Variants in SRP54 observed in about 807,000 individuals in gnomAD.
The protein encoded by SRP54 is signal recognition particle 54, also known as signal recognition particle subunit SRP54.
In SRP54, 10 loss-of-function variants were observed where a neutral mutation model predicts 64.8. That is an observed-to-expected ratio of 0.15 (90% CI 0.10 to 0.26). SRP54 has a LOEUF of 0.26. Ranked by LOEUF, SRP54 falls within the 10% of genes least tolerant of loss-of-function variation. The pLI, the probability that SRP54 is intolerant of heterozygous loss-of-function variation, is 1.00. For missense variants in SRP54, 325 were observed against 613.7 expected, an observed-to-expected ratio of 0.53 and a Z score of 4.97; for synonymous variants, 193 against 185.6, an observed-to-expected ratio of 1.04 and a Z score of -0.32.
At chr14:35,005,794 A>G (rs919828337) in intron 4 of SRP54, among the ~76,000 whole-genome samples, 2 of 152,192 alleles carry the variant, frequency 1.3e-5, no homozygotes, top group African/African-American at 4.8e-5. Flanking sequence ...TTCAAGCTCC[A>G]AACAACTGAC....
intron 2 of SRP54, among the ~76,000 whole-genome samples, chr14:34,997,799 A>G (rs906773339): frequency 6.6e-6 from 1 of 152,214 alleles, no homozygotes; most frequent in African/African-American, 2.4e-5. Flanking sequence ...CTAGTTCCTC[A>G]TACAGGGCTT....
chr14:35,015,824 T>G (rs865872472), intron 11 of SRP54, among the ~76,000 whole-genome samples: 22 of 152,240 alleles, frequency 1.4e-4, no homozygotes, highest in African/African-American at 5.1e-4. Context: ...ATGCTGGTGT[T>G]TCTCAGGGAT....
intron 10 of SRP54, 74 bp from the exon 11 acceptor site, chr14:35,014,670 A>T: frequency 3.7e-6 from 4 of 1,091,628 alleles, no homozygotes; most frequent in Non-Finnish European, 5.6e-6. Context: ...GTTATTATGT[A>T]TGTGAATGTG....
At chr14:35,001,764 GAA>G (rs1324239577) in intron 4 of SRP54, among the ~76,000 whole-genome samples, 1 of 152,084 alleles carries the variant, frequency 6.6e-6, no homozygotes, top group East Asian at 1.9e-4. Flanking sequence ...TTGAATTAGT[GAA>G]AGTTTTATTT....
chr14:34,983,614 G>C (rs1291333144), intron 1 of SRP54, among the ~76,000 whole-genome samples: 4 of 152,114 alleles, frequency 2.6e-5, no homozygotes, highest in Admixed American at 2.6e-4. Context: ...AACGAATATG[G>C]AATATCAGTT....
In SRP54 at chr14:35,028,203, C is replaced by A; in HGVS notation, c.1423+20C>A. On this transcript the variant is annotated intron_variant, in intron 15 of 15. Transcript: ENST00000216774. ...ACATGGGTAAATACCAAGTTGTTGG[C>A]AGTTGCTAATGCAGTTTAATTTATA... 6.7e-7 allele frequency: 1 copy of A among 1,502,818 alleles called. No homozygotes were observed. The highest frequency in any genetic ancestry group is 2.3e-5 in the East Asian group (1 of 43,910). The allele number at this position is 1,502,818 out of a possible 1,614,324, so 93.1% of individuals were successfully genotyped here.
At chr14:35,001,232 A>G (rs1594989186) in intron 4 of SRP54, among the ~76,000 whole-genome samples, 1 of 140,364 alleles carries the variant, frequency 7.1e-6, no homozygotes, top group African/African-American at 2.6e-5. Context: ...CTGGAGTGCA[A>G]CCTCCGCCTC....
chr14:35,003,526 C>G (rs534410469), intron 4 of SRP54, among the ~76,000 whole-genome samples: 1 of 151,832 alleles, frequency 6.6e-6, no homozygotes, highest in South Asian at 2.1e-4. Flanking sequence ...AGGCATGCAC[C>G]ACCATGTTTT....
At chr14:35,003,665 G>A (rs933486220) in intron 4 of SRP54, among the ~76,000 whole-genome samples, 1 of 150,428 alleles carries the variant, frequency 6.6e-6, no homozygotes, top group Admixed American at 6.6e-5. Context: ...TCCTCCCTGG[G>A]CTCAGGTGAT....
chr14:35,013,239 G>A, intron 8 of SRP54, 107 bp from the exon 9 acceptor site: 1 of 1,058,116 alleles, frequency 9.5e-7, no homozygotes, highest in Non-Finnish European at 1.4e-6. Context: ...ACAGGCATGA[G>A]CCACTGCACC....
intron 11 of SRP54, among the ~76,000 whole-genome samples, chr14:35,015,117 C>A (rs2044417494): frequency 6.6e-6 from 1 of 152,086 alleles, no homozygotes; most frequent in African/African-American, 2.4e-5. Flanking sequence ...CACTCTGTTA[C>A]CCAGGCTGGA....
intron 1 of SRP54, among the ~76,000 whole-genome samples, chr14:34,991,718 C>T (rs1320938379): frequency 3.2e-5 from 4 of 125,468 alleles, no homozygotes; most frequent in African/African-American, 9.5e-5. Flanking sequence ...ATCAGTCATG[C>T]GTGTGTGTTG....
At chr14:35,007,035 T>A (rs1172145490) in intron 4 of SRP54, among the ~76,000 whole-genome samples, 3 of 151,728 alleles carry the variant, frequency 2.0e-5, no homozygotes, top group Non-Finnish European at 2.9e-5. Flanking sequence ...CAAAAAAAAA[T>A]TTTTTTAGTT....
At chr14:34,990,457 A>G (rs1335644871) in intron 1 of SRP54, among the ~76,000 whole-genome samples, 3 of 152,156 alleles carry the variant, frequency 2.0e-5, no homozygotes, top group Non-Finnish European at 4.4e-5. Flanking sequence ...TCCTGCTTAT[A>G]TCATAAAATT....
chr14:35,022,918 A>G lies in SRP54; in HGVS notation c.1165A>G (p.Ser389Gly). 3 of 1,612,650 alleles carry G rather than the reference A, an allele frequency of 1.9e-6. No homozygotes were observed. Among genetic ancestry groups the G allele is most frequent in the South Asian group, 2.2e-5 (2 of 90,754 alleles). Residue 389 changes from serine to glycine, a missense_variant, in exon 14 of 16, where the codon AGT becomes GGT. Coordinates refer to ENST00000216774, the MANE Select transcript of SRP54 (RefSeq NM_003136.4). ...MDSMNDQELDSTDGAKVFSKQ... is the reference protein window; with the variant it reads ...MDSMNDQELDGTDGAKVFSKQ... ...ACTGACCTTGTCTACAGAACTAGACAGTACGGATGGTGCCAAAGTTTTTAG... is the reference window on the plus strand; with the variant it reads ...ACTGACCTTGTCTACAGAACTAGACGGTACGGATGGTGCCAAAGTTTTTAG...
intron 1 of SRP54, among the ~76,000 whole-genome samples, chr14:34,994,932 C>CTTTTTTTT (rs59058538): frequency 1.2e-5 from 1 of 84,476 alleles, no homozygotes; most frequent in African/African-American, 4.8e-5. Context: ...TGCCTGGCTA[C>CTTTTTTTT]TTTTTTTTTT....
intron 1 of SRP54, among the ~76,000 whole-genome samples, chr14:34,991,050 T>C (rs929139288): frequency 2.0e-5 from 3 of 151,936 alleles, no homozygotes; most frequent in Middle Eastern, 3.4e-3. Context: ...AGCAGTGAGC[T>C]CACAGGAGAA....
In SRP54 at chr14:35,023,787, A is replaced by AACACACACACACACACACAC. The variant is rs57037784; in HGVS notation, c.1327+724_1327+743dup. Among the ~76,000 whole-genome samples, 61 of 140,364 alleles carry AACACACACACACACACACAC rather than the reference A, an allele frequency of 4.3e-4. 1 individual carries two copies. The highest frequency in any genetic ancestry group is 1.6e-3 in the African/African-American group (60 of 37,652). 92.1% of individuals were successfully genotyped at this position (140,364 alleles called of 152,430 possible). On this transcript the variant is annotated intron_variant, in intron 14 of 15. Transcript: ENST00000216774. ...CAGCAGAGTGAGACTCCGGTCCCCA[A>AACACACACACACACACACAC]ACACACACACACACACACACACACA...
intron 3 of SRP54, 47 bp from the exon 4 acceptor site, chr14:35,000,889 A>T: frequency 1.9e-6 from 2 of 1,038,832 alleles, no homozygotes; most frequent in Non-Finnish European, 2.8e-6. Flanking sequence ...AGAGTTTCTT[A>T]ACTGATTTTC....
Sources: gnomAD v4.1 joint callset for allele counts (sites outside exome capture counted in the v4.1 genomes callset) on GRCh38, gnomAD v4.1.1 for gene constraint, MANE v1.5 for transcripts, NCBI Gene and HGNC (gene_info 2026-07-23, HGNC 2026-07-21) for gene names.